STRA6: variants seen among roughly 807,000 people sequenced by gnomAD.
The protein encoded by STRA6 is signaling receptor and transporter of retinol STRA6.
Under a neutral mutation model 83.6 loss-of-function variants are expected in STRA6, and 48 were observed. The ratio of observed to expected loss-of-function variants is 0.57; its 90% CI spans 0.46 to 0.73. STRA6 has a LOEUF of 0.73. STRA6 is among the 30% of genes least tolerant of loss of function. STRA6 has a pLI of 0.00. For synonymous variants in STRA6, 353 were observed against 362.3 expected, an observed-to-expected ratio of 0.97 and a Z score of 0.29; for missense variants, 760 against 838.8, an observed-to-expected ratio of 0.91 and a Z score of 1.16.
chr15:74,195,888 C>T (rs1192156984), intron 5 of STRA6, 120 bp downstream of exon 5: 2 of 1,404,968 alleles, frequency 1.4e-6, no homozygotes, highest in Non-Finnish European at 2.0e-6. Context: ...AGGATAGCAG[C>T]CCATCTCATT....
chr15:74,184,714 G>A (rs1469103497), intron 13 of STRA6, among the ~76,000 whole-genome samples: 1 of 152,174 alleles, frequency 6.6e-6, no homozygotes. Context: ...CCTACTCAGG[G>A]GGCAAGCTCC....
At chr15:74,207,874 AGTGGGCTGGAAGGCAGTGTC>A in intron 1 of STRA6, 1 of 1,514,506 alleles carries the variant, frequency 6.6e-7, no homozygotes, top group South Asian at 1.2e-5. Context: ...GACTCCACAC[AGTGGGCTGGAAGGCAGTGTC>A]GTCGGCTGCC....
At chr15:74,180,692 C>T (rs1837169425) in intron 18 of STRA6, 90 bp downstream of exon 18, 3 of 1,507,132 alleles carry the variant, frequency 2.0e-6, no homozygotes, top group African/African-American at 1.4e-5. Context: ...ATTTTCCTGG[C>T]GCTCACTCTG....
upstream of STRA6, chr15:74,209,210 G>T: frequency 9.5e-7 from 1 of 1,054,140 alleles, no homozygotes. Flanking sequence ...GTCTCCAGCG[G>T]TATAGCCTCT....
chr15:74,195,546 C>T, intron 6 of STRA6, 78 bp from the exon 7 acceptor site: 1 of 1,584,452 alleles, frequency 6.3e-7, no homozygotes. Context: ...CCAGGCCTCT[C>T]TTCGGTCTCC....
At position 74,202,256 on chromosome 15, in the gene STRA6, C is replaced by A; in HGVS notation, c.12G>T (p.Gln4His). The A allele has an allele frequency of 6.5e-7, 1 of 1,542,456 alleles. No homozygotes were observed. Among genetic ancestry groups the A allele is most frequent in the South Asian group, 1.3e-5 (1 of 76,288 alleles). ...CGGGGGAGGTCTGGTTCCCTGCTGGCTGGGACGACATTCTCTGGCCCTTCT... is the reference window on the plus strand; with the variant it reads ...CGGGGGAGGTCTGGTTCCCTGCTGGATGGGACGACATTCTCTGGCCCTTCT... MSSQPAGNQTSPGA... is the reference protein window; with the variant it reads MSSHPAGNQTSPGA... The change falls in exon 2 of 19, where the codon CAG (glutamine) becomes CAT (histidine). Residue 4 changes from glutamine (Q) to histidine (H), a missense_variant. Coordinates refer to ENST00000395105, the MANE Select transcript of STRA6 (RefSeq NM_022369.4).
chr15:74,208,722 G>A (rs931060631), intron 1 of STRA6: 2 of 986,990 alleles, frequency 2.0e-6, no homozygotes, highest in Non-Finnish European at 2.4e-6. Context: ...ACTTCCCACC[G>A]CACACCCCAT....
At position 74,182,173 on chromosome 15, in the gene STRA6, T is replaced by C. The variant is rs1352586234; in HGVS notation, c.1508A>G (p.Gln503Arg). 3.1e-6 allele frequency: 5 copies of C among 1,614,074 alleles called. No homozygotes were observed. The highest frequency in any genetic ancestry group is 2.5e-6 in the Non-Finnish European group (3 of 1,179,972). Residue 503 changes from glutamine to arginine, a missense_variant, in exon 16 of 19, where the codon CAG becomes CGG. By Grantham distance (43) the Gln-to-Arg change is conservative (BLOSUM62 1). Transcript: ENST00000395105. The part of the protein sequence containing the change: ...VFLETHDGHP[Q>R]LTNRRVLYAA... ...GATGCCACCTCACCGGTTGGTCAGC[T>C]GTGGGTGTCCATCATGAGTCTCCAG...
chr15:74,199,581 C>T (rs2073966345), intron 2 of STRA6, among the ~76,000 whole-genome samples: 3 of 152,204 alleles, frequency 2.0e-5, no homozygotes. Context: ...TGACCATTTT[C>T]CTATGGACCT....
At chr15:74,211,231 G>A (rs900251212), upstream of STRA6, among the ~76,000 whole-genome samples, 8 of 151,670 alleles carry the variant, frequency 5.3e-5, no homozygotes, top group Non-Finnish European at 7.4e-5. Context: ...CTTGGACTCC[G>A]TTTCATTCTA....
upstream of STRA6, chr15:74,202,825 C>A: frequency 2.8e-6 from 3 of 1,085,590 alleles, no homozygotes; most frequent in African/African-American, 1.6e-5. Context: ...TGAGCCCCTC[C>A]CCCAGCCTCA....
chr15:74,192,464 G>A lies in STRA6; in HGVS notation c.721-973C>T, dbSNP rs143258179. ...TTCTCGGACCAGAGTAGCCCAAAAG[G>A]GACCCGGGGTTCTCCATCCTGCCTA... is the stretch of plus-strand genomic sequence containing the variant. On this transcript the variant is annotated intron_variant, in intron 8 of 18. Transcript: ENST00000395105. Among the ~76,000 whole-genome samples the A allele has an allele frequency of 8.5e-3, 1,294 of 152,234 alleles. 6 individuals are homozygous for A. Among genetic ancestry groups the A allele is most frequent in the Middle Eastern group, 0.017 (5 of 294 alleles).
chr15:74,206,125 C>T (rs2074256572), upstream of STRA6, among the ~76,000 whole-genome samples: 3 of 152,304 alleles, frequency 2.0e-5, no homozygotes, highest in East Asian at 1.9e-4. Context: ...ACAAGGCCCC[C>T]GTCCCTGCAC....
At chr15:74,186,379 C>T (rs1374755482) in intron 12 of STRA6, among the ~76,000 whole-genome samples, 2 of 152,218 alleles carry the variant, frequency 1.3e-5, no homozygotes, top group Non-Finnish European at 2.9e-5. Flanking sequence ...AAGGCTGAGG[C>T]GGTGGATCAC....
rs1465948625 is a variant in STRA6 at position 74,183,982 on chromosome 15, G to C, written c.1174C>G (p.Leu392Val). ...MRSLVTHRTN[L>V]RALHRGAALD... ...GCAGCTCCTCGGTGCAGAGCTCGAA[G>C]GTTGGTCCTGGGGTGGGAGCCAGGG... is the stretch of plus-strand genomic sequence containing the variant. Residue 392 changes from leucine to valine, a missense_variant, in exon 14 of 19, where the codon CTT becomes GTT. Physicochemically the swap from Leu to Val is conservative, Grantham distance 32. Transcript: ENST00000395105. 3.7e-6 allele frequency: 6 copies of C among 1,613,140 alleles called. No individual in the cohort carries two copies. The African/African-American group carries it at 8.0e-5, about 22-fold the overall frequency.
rs2073887952 is a variant in STRA6 at position 74,197,770 on chromosome 15, G to C, written c.162C>G (p.Ala54=). 1 of 1,613,590 alleles carries C rather than the reference G, an allele frequency of 6.2e-7. No homozygotes were observed. The highest frequency in any genetic ancestry group is 1.3e-5 in the African/African-American group (1 of 74,938). The change falls in exon 3 of 19, where the codon GCC becomes GCG. Residue 54 remains alanine, a synonymous_variant. Transcript: ENST00000395105. ...HTSIPPGLYH[A]CLASLSILVL... Reference sequence around the variant, plus strand: ...GACTCACTGACAGCGAGGCCAGGCAGGCGTGGTACAGGCCGGGTGGTATGC... The same window carrying C: ...GACTCACTGACAGCGAGGCCAGGCACGCGTGGTACAGGCCGGGTGGTATGC...
intron 13 of STRA6, among the ~76,000 whole-genome samples, chr15:74,184,568 C>T (rs2073150685): frequency 6.6e-6 from 1 of 152,026 alleles, no homozygotes; most frequent in East Asian, 1.9e-4. Flanking sequence ...CTACCCCTCA[C>T]CTACACTCTC....
exon 1 of STRA6, chr15:74,208,857 G>C: frequency 2.0e-6 from 2 of 988,470 alleles, no homozygotes; most frequent in Non-Finnish European, 2.4e-6. Flanking sequence ...TTCCTTTATT[G>C]ATCTCTCCCG....
At position 74,182,199 on chromosome 15, in the gene STRA6, G is replaced by GAAGA. The variant is rs34038965; in HGVS notation, c.1478_1481dup (p.Glu496ProfsTer5). On this transcript the variant is annotated frameshift_variant, in exon 16 of 19. Transcript: ENST00000395105. LOFTEE classifies it high-confidence loss of function. ...GTGGGTGTCCATCATGAGTCTCCAGGAAGACCCAATGGGCTGCCATGTTCT... is the reference window on the plus strand; with the variant it reads ...GTGGGTGTCCATCATGAGTCTCCAGGAAGAAAGACCCAATGGGCTGCCATGTTCT... The GAAGA allele has an allele frequency of 6.2e-7, 1 of 1,614,034 alleles. No individual in the cohort carries two copies. Among genetic ancestry groups the GAAGA allele is most frequent in the Non-Finnish European group, 8.5e-7 (1 of 1,180,022 alleles).
Sources: gnomAD v4.1 joint callset for allele counts (sites outside exome capture counted in the v4.1 genomes callset) on GRCh38, gnomAD v4.1.1 for gene constraint, MANE v1.5 for transcripts, NCBI Gene and HGNC (gene_info 2026-07-23, HGNC 2026-07-21) for gene names.